The following IQSEC1 variants were observed in gnomAD, a reference collection of about 807,000 sequenced individuals.
The protein encoded by IQSEC1 is IQ motif and Sec7 domain ArfGEF 1.
Under a neutral mutation model 91.0 loss-of-function variants are expected in IQSEC1, and 31 were observed. The observed-to-expected ratio is 0.34, with a 90% confidence interval of 0.26 to 0.46. The LOEUF (loss-of-function observed/expected upper bound fraction) is 0.46. Ranked by LOEUF, IQSEC1 falls within the 20% of genes least tolerant of loss-of-function variation. The probability of loss-of-function intolerance (pLI) is 1.00; values close to 1 mark genes in which losing one functional copy is unlikely to be tolerated. For synonymous variants in IQSEC1, 699 were observed against 662.6 expected (o/e 1.05, Z -0.84); for missense variants, 1,388 against 1,575.6 (o/e 0.88, Z 2.02).
At chr3:13,113,844 C>T (rs562904017) in intron 2 of IQSEC1, among the ~76,000 whole-genome samples, 23 of 152,318 alleles carry the variant, frequency 1.5e-4, no homozygotes, top group African/African-American at 4.3e-4. Context: ...TTGGTGAAAG[C>T]GAAACAGTGG....
At chr3:13,023,957 C>G (rs1703507399) in intron 1 of IQSEC1, among the ~76,000 whole-genome samples, 1 of 152,142 alleles carries the variant, frequency 6.6e-6, no homozygotes, top group South Asian at 2.1e-4. Flanking sequence ...TTTCAAGGCT[C>G]CCCATTCCTT....
intron 12 of IQSEC1, among the ~76,000 whole-genome samples, chr3:12,905,241 C>T (rs942332885): frequency 1.3e-5 from 2 of 152,244 alleles, no homozygotes; most frequent in Non-Finnish European, 2.9e-5. Flanking sequence ...GGACTTGGAA[C>T]CATTTTTCTT....
intron 2 of IQSEC1, among the ~76,000 whole-genome samples, chr3:13,082,407 G>A (rs989636826): frequency 1.3e-5 from 2 of 152,220 alleles, no homozygotes; most frequent in Non-Finnish European, 2.9e-5. Context: ...GAAGGCGCAG[G>A]CCTGGACCGC....
rs1400051796 is a variant in IQSEC1 at position 12,979,124 on chromosome 3, C to G, written c.24-37259G>C. Reference sequence around the variant, plus strand: ...TTTAGTTTTCCCAACAACCACATAGCACCTGTATACATTCCAATTACTTAA... The same window carrying G: ...TTTAGTTTTCCCAACAACCACATAGGACCTGTATACATTCCAATTACTTAA... On this transcript the variant is annotated intron_variant, in intron 1 of 13. Transcript: ENST00000613206. This position sits in a 1 kb window ranked among gnomAD's most constrained non-coding sequence, Gnocchi z 4.3. Among the ~76,000 whole-genome samples, 1 of 152,182 alleles carries G rather than the reference C, an allele frequency of 6.6e-6. No homozygotes were observed. Among genetic ancestry groups the G allele is most frequent in the African/African-American group, 2.4e-5 (1 of 41,430 alleles).
chr3:12,902,691 A>AAAACAAAAAAAAAAAAAAAAAAAAAAC (rs1694491556), intron 13 of IQSEC1, 82 bp downstream of exon 13: 1 of 720,274 alleles, frequency 1.4e-6, no homozygotes, highest in African/African-American at 1.9e-5. Flanking sequence ...AAAAAAAAAA[A>AAAACAAAAAAAAAAAAAAAAAAAAAAC]AAACCAGGAC....
At chr3:12,991,458 C>A (rs1248862461) in intron 1 of IQSEC1, among the ~76,000 whole-genome samples, 1 of 152,190 alleles carries the variant, frequency 6.6e-6, no homozygotes, top group Non-Finnish European at 1.5e-5. Context: ...CGGACCTCAC[C>A]AACAGAATGG....
At chr3:13,223,924 T>C (rs1414125890) in intron 1 of IQSEC1, among the ~76,000 whole-genome samples, 1 of 151,942 alleles carries the variant, frequency 6.6e-6, no homozygotes, top group African/African-American at 2.4e-5. Flanking sequence ...TTAATGAGCT[T>C]TGGAAGGGAA....
chr3:13,073,906 C>T (rs1367901872), upstream of IQSEC1, among the ~76,000 whole-genome samples: 1 of 152,224 alleles, frequency 6.6e-6, no homozygotes, highest in Non-Finnish European at 1.5e-5. Context: ...GGGCGCACCA[C>T]GCCAGTAGCT....
At chr3:13,085,020 C>A (rs62232933) in intron 2 of IQSEC1, among the ~76,000 whole-genome samples, 2 of 151,778 alleles carry the variant, frequency 1.3e-5, no homozygotes, top group African/African-American at 4.8e-5. Context: ...TGTCCTCGGA[C>A]AGAAAAACAG....
intron 1 of IQSEC1, among the ~76,000 whole-genome samples, chr3:13,247,774 G>A (rs1695131997): frequency 6.6e-6 from 1 of 152,032 alleles, no homozygotes; most frequent in South Asian, 2.1e-4. Context: ...CTGGGCTGTT[G>A]ACACCCCCCA....
chr3:13,195,106 G>A (rs766850204), intron 1 of IQSEC1, among the ~76,000 whole-genome samples: 2 of 152,166 alleles, frequency 1.3e-5, no homozygotes, highest in Non-Finnish European at 2.9e-5. Flanking sequence ...TCTGACAAAC[G>A]AGTAGTATCT....
intron 1 of IQSEC1, among the ~76,000 whole-genome samples, chr3:12,991,080 G>C (rs1007034172): frequency 3.9e-5 from 6 of 152,192 alleles, no homozygotes; most frequent in African/African-American, 9.7e-5. Context: ...CCCGAGGCAG[G>C]GGGTGAGAGG....
intron 1 of IQSEC1, among the ~76,000 whole-genome samples, chr3:13,237,650 A>G (rs1166709691): frequency 3.3e-5 from 5 of 152,242 alleles, no homozygotes; most frequent in African/African-American, 1.2e-4. Context: ...AGGAAAGCAC[A>G]GGACTTCCCA....
At chr3:13,135,554 CT>C (rs1360253972) in intron 2 of IQSEC1, among the ~76,000 whole-genome samples, 1 of 152,230 alleles carries the variant, frequency 6.6e-6, no homozygotes, top group Non-Finnish European at 1.5e-5. Flanking sequence ...AGGGATGGAC[CT>C]TTTCTGATGA....
At chr3:12,953,101 C>T (rs910832052) in intron 1 of IQSEC1, among the ~76,000 whole-genome samples, 3 of 152,176 alleles carry the variant, frequency 2.0e-5, no homozygotes, top group African/African-American at 4.8e-5. Context: ...GGGGCTCAGC[C>T]AGGGACAGTT....
rs150386585 is a variant in IQSEC1, at chr3:12,935,835, T to C, written c.1181A>G (p.Glu394Gly). The change falls in exon 3 of 14, where the codon GAG (glutamate) becomes GGG (glycine). Residue 394 changes from glutamate (E) to glycine (G), a missense_variant. Around this residue, in one of 2 missense-constraint regions of IQSEC1, gnomAD observed 1,059 missense variants for 1,317.8 expected, o/e 0.80. Coordinates refer to ENST00000613206, the MANE Select transcript of IQSEC1 (RefSeq NM_001134382.3). This position sits in a 1 kb window ranked among gnomAD's most constrained non-coding sequence, Gnocchi z 8.0. Reference protein sequence around the residue: ...RGSLKRQSAYERSLGGQQGSP... With the variant: ...RGSLKRQSAYGRSLGGQQGSP... ...GCCCTGCTGCCCGCCAAGGCTGCGC[T>C]CGTAAGCACTCTGCCTCTTGAGTGA... 37 of 1,608,264 alleles carry C rather than the reference T, an allele frequency of 2.3e-5. No homozygotes were observed. In the African/African-American group the frequency reaches 4.8e-4, roughly 21 times the overall value.
rs1364935367 is a variant in IQSEC1, at chr3:12,899,088, C to T, written c.*1895G>A. On this transcript the variant is annotated 3_prime_UTR_variant, in exon 14 of 14. Coordinates refer to ENST00000613206, the MANE Select transcript of IQSEC1 (RefSeq NM_001134382.3). ...GCTAAACTCTAGATTGCTGTATTTGCTCTCTCTGGAGATTAACAAAGTGCT... is the reference window on the plus strand; with the variant it reads ...GCTAAACTCTAGATTGCTGTATTTGTTCTCTCTGGAGATTAACAAAGTGCT... 5 of 460,710 alleles carry T rather than the reference C, an allele frequency of 1.1e-5. No homozygotes were observed. The highest frequency in any genetic ancestry group is 5.9e-5 in the African/African-American group (3 of 50,852). The allele number at this position is 460,710 out of a possible 1,614,324, so 28.5% of individuals were successfully genotyped here. A position where few individuals can be genotyped will look rare whatever the true frequency, so the allele number is the denominator to read the frequency against.
At chr3:13,087,804 A>G (rs947547061) in intron 2 of IQSEC1, among the ~76,000 whole-genome samples, 1 of 152,190 alleles carries the variant, frequency 6.6e-6, no homozygotes, top group Non-Finnish European at 1.5e-5. Context: ...GGCAAGGGCC[A>G]CCCTGCTGCA....
At chr3:13,012,932 C>T (rs1257374971) in intron 1 of IQSEC1, among the ~76,000 whole-genome samples, 4 of 146,998 alleles carry the variant, frequency 2.7e-5, no homozygotes, top group Non-Finnish European at 4.4e-5. Flanking sequence ...GCTACGAAAG[C>T]AGTGGAACAG....
Sources: allele counts gnomAD v4.1 joint callset (sites outside exome capture counted in the v4.1 genomes callset), GRCh38; gene constraint gnomAD v4.1.1; regional missense constraint gnomAD v4.1.1; non-coding constraint Gnocchi (gnomAD v3.1); transcripts MANE v1.5; gene names NCBI Gene and HGNC (gene_info 2026-07-23, HGNC 2026-07-21).